Variants in SENP7 observed in about 807,000 individuals in gnomAD.
The protein encoded by SENP7 is sentrin-specific protease 7.
In SENP7, 64 loss-of-function variants were observed where a neutral mutation model predicts 141.2. The observed-to-expected ratio is 0.45, with a 90% CI of 0.37 to 0.56. The LOEUF (loss-of-function observed/expected upper bound fraction) is 0.56. Among genes scored for constraint, SENP7 ranks in the 20% least tolerant of loss-of-function variants. The pLI is 0.00. For synonymous variants in SENP7, 382 were observed against 426.4 expected, an observed-to-expected ratio of 0.90 and a Z score of 1.28; for missense variants, 1,025 against 1,212.2, an observed-to-expected ratio of 0.85 and a Z score of 2.29.
intron 14 of SENP7, among the ~76,000 whole-genome samples, chr3:101,342,302 G>A (rs1405749525): frequency 6.6e-6 from 1 of 152,144 alleles, no homozygotes; most frequent in Non-Finnish European, 1.5e-5. Flanking sequence ...CATGTGCACA[G>A]GTGTATATAT....
intron 11 of SENP7, among the ~76,000 whole-genome samples, chr3:101,352,432 T>C (rs1048786156): frequency 6.6e-6 from 1 of 152,058 alleles, no homozygotes; most frequent in Non-Finnish European, 1.5e-5. Flanking sequence ...TTTCTTTGTT[T>C]CATGTTATAA....
At chr3:101,510,843 C>CAAA (rs377579284) in intron 1 of SENP7, among the ~76,000 whole-genome samples, 11 of 78,326 alleles carry the variant, frequency 1.4e-4, no homozygotes, top group South Asian at 5.3e-4. Flanking sequence ...GACTCCATCT[C>CAAA]AAAAAAAAAA....
chr3:101,395,354 C>G (rs1179371193), intron 6 of SENP7, among the ~76,000 whole-genome samples: 1 of 152,162 alleles, frequency 6.6e-6, no homozygotes, highest in African/African-American at 2.4e-5. Context: ...TCTAGTTTCA[C>G]TCTTCTGCAT....
chr3:101,364,672 A>C (rs2059989583), intron 10 of SENP7, among the ~76,000 whole-genome samples, 162 bp downstream of exon 10: 1 of 152,256 alleles, frequency 6.6e-6, no homozygotes, highest in Non-Finnish European at 1.5e-5. Context: ...AAATAAAGAC[A>C]ACTACGTATT....
chr3:101,441,188 G>A (rs562056356), intron 4 of SENP7, among the ~76,000 whole-genome samples: 4 of 152,258 alleles, frequency 2.6e-5, no homozygotes, highest in Non-Finnish European at 5.9e-5. Flanking sequence ...CTGAGGACAA[G>A]CCCATGCCCA....
intron 9 of SENP7, among the ~76,000 whole-genome samples, chr3:101,365,394 G>A (rs1431968356): frequency 6.6e-6 from 1 of 151,796 alleles, no homozygotes; most frequent in African/African-American, 2.4e-5. Flanking sequence ...CCAGCACTTT[G>A]GGAGGCTGAG....
rs530458841 is a variant in SENP7 at position 101,378,766 on chromosome 3, C to CA, written c.678-6641dup. Reference sequence around the variant, plus strand: ...CACCTAGGCATATCATATTAAACTGCAAAAAAATCAAAGATTTAAAAACAG... The same window carrying CA: ...CACCTAGGCATATCATATTAAACTGCAAAAAAAATCAAAGATTTAAAAACAG... On this transcript the variant is annotated intron_variant, in intron 6 of 23. Transcript: ENST00000394095. Among the ~76,000 whole-genome samples, 9 of 151,646 alleles carry CA rather than the reference C, an allele frequency of 5.9e-5. No homozygotes were observed. The East Asian group carries it at 9.6e-4, about 16-fold the overall frequency.
At position 101,340,225 on chromosome 3, in the gene SENP7, A is replaced by G. The variant is rs1335519422; in HGVS notation, c.2241-14T>C. On this transcript the variant is annotated splice_polypyrimidine_tract_variant and intron_variant, in intron 15 of 23. Coordinates refer to ENST00000394095, the MANE Select transcript of SENP7 (RefSeq NM_020654.5). ...TATACAATCAACCTTAAAAGTAAAA[A>G]TAAAGTTAACATATACTGATATTGA... 2 of 1,575,034 alleles carry G rather than the reference A, an allele frequency of 1.3e-6. No individual in the cohort carries two copies. Among genetic ancestry groups the G allele is most frequent in the Non-Finnish European group, 1.7e-6 (2 of 1,165,054 alleles).
chr3:101,342,050 TAATC>T (rs2059340475), intron 14 of SENP7, among the ~76,000 whole-genome samples: 1 of 152,074 alleles, frequency 6.6e-6, no homozygotes. Context: ...CAGTTCAAAA[TAATC>T]AAAAAATGTA....
At position 101,325,213 on chromosome 3, in the gene SENP7, T is replaced by C. The variant is rs189249615; in HGVS notation, c.*730A>G. On this transcript the variant is annotated 3_prime_UTR_variant, in exon 24 of 24. Coordinates refer to ENST00000394095, the MANE Select transcript of SENP7 (RefSeq NM_020654.5). ...CATGTATAATTTTTAAAAAACTATT[T>C]TGCACAGGTAAAATTTTTTGTTTCA... is the stretch of plus-strand genomic sequence containing the variant. 2.2e-4 allele frequency: 34 copies of C among 152,110 alleles called. No homozygotes were observed. Among genetic ancestry groups the C allele is most frequent in the Admixed American group, 7.9e-4 (12 of 15,226 alleles). The allele number at this position is 152,110 out of a possible 1,614,324, so 9.4% of individuals were successfully genotyped here.
Position 101,463,366 on chromosome 3 carries a change from T to TAAATAA in SENP7, c.187-4315_187-4314insTTATTT, listed in dbSNP as rs796724812. 7.1e-3 allele frequency among the ~76,000 whole-genome samples: 444 copies of TAAATAA among 62,242 alleles called. 2 individuals carry two copies. The highest frequency in any genetic ancestry group is 0.019 in the South Asian group (36 of 1,892). 40.8% of individuals were successfully genotyped at this position (62,242 alleles called of 152,430 possible). A position where few individuals can be genotyped will look rare whatever the true frequency, so the allele number is the denominator to read the frequency against. On this transcript the variant is annotated intron_variant, in intron 3 of 23. Coordinates refer to ENST00000394095, the MANE Select transcript of SENP7 (RefSeq NM_020654.5). ...CATGTATCATAAATAAATAAATAAA[T>TAAATAA]ATATATATATATATATATATATATA...
intron 2 of SENP7, among the ~76,000 whole-genome samples, chr3:101,498,794 G>A (rs2065257831): frequency 6.6e-6 from 1 of 152,164 alleles, no homozygotes; most frequent in Non-Finnish European, 1.5e-5. Flanking sequence ...CAGATCAGCA[G>A]TGGCATTAGA....
chr3:101,463,386 T>TATAC (rs1553744765), intron 3 of SENP7, among the ~76,000 whole-genome samples: 1 of 92,316 alleles, frequency 1.1e-5, no homozygotes, highest in Non-Finnish European at 2.1e-5. Context: ...TATATATATA[T>TATAC]ATATATATAT....
chr3:101,373,181 T>C (rs2060228553), intron 6 of SENP7, among the ~76,000 whole-genome samples: 2 of 152,104 alleles, frequency 1.3e-5, no homozygotes, highest in Admixed American at 1.3e-4. Context: ...CATATTTACT[T>C]TGGTAAAATT....
chr3:101,369,180 C>T (rs977744679), intron 7 of SENP7, among the ~76,000 whole-genome samples: 1 of 152,296 alleles, frequency 6.6e-6, no homozygotes, highest in African/African-American at 2.4e-5. Context: ...ACCTAATTGA[C>T]TAAAAGTTAT....
At chr3:101,406,392 C>T (rs1159698770) in intron 5 of SENP7, among the ~76,000 whole-genome samples, 1 of 151,464 alleles carries the variant, frequency 6.6e-6, no homozygotes, top group African/African-American at 2.4e-5. Flanking sequence ...ATGAGAACAC[C>T]TGGACACAGG....
intron 5 of SENP7, 97 bp from the exon 6 acceptor site, chr3:101,399,152 G>T: frequency 1.4e-6 from 1 of 709,560 alleles, no homozygotes; most frequent in Non-Finnish European, 2.1e-6. Context: ...TGCCATCTTA[G>T]CACAAGAAAG....
intron 4 of SENP7, among the ~76,000 whole-genome samples, chr3:101,446,298 C>T (rs1045245808): frequency 6.6e-6 from 1 of 152,116 alleles, no homozygotes; most frequent in Non-Finnish European, 1.5e-5. Flanking sequence ...TATAAATTAC[C>T]CAGTCTCAGG....
chr3:101,412,708 TA>T (rs1404270210), intron 5 of SENP7, among the ~76,000 whole-genome samples: 1 of 152,082 alleles, frequency 6.6e-6, no homozygotes, highest in African/African-American at 2.4e-5. Context: ...AGAAGAAAGA[TA>T]GTTTATTTTC....
Sources: allele counts gnomAD v4.1 joint callset (sites outside exome capture counted in the v4.1 genomes callset), GRCh38; gene constraint gnomAD v4.1.1; transcripts MANE v1.5; gene names NCBI Gene and HGNC (gene_info 2026-07-23, HGNC 2026-07-21).